FAT4: variants seen among roughly 807,000 people sequenced by gnomAD.
The protein encoded by FAT4 is FAT atypical cadherin 4.
In FAT4, 84 loss-of-function variants were observed where a neutral mutation model predicts 303.9. The ratio of observed to expected loss-of-function variants is 0.28; its 90% CI spans 0.23 to 0.33. The LOEUF is 0.33. FAT4 is among the 10% of genes least tolerant of loss of function. FAT4 has a pLI of 1.00. For synonymous variants in FAT4, 2,307 were observed against 2,298.8 expected, an observed-to-expected ratio of 1.00 and a Z score of -0.10; for missense variants, 6,005 against 6,146.8, an observed-to-expected ratio of 0.98 and a Z score of 0.77.
At chr4:125,389,357 G>GAAACA (rs1257715180) in intron 2 of FAT4, among the ~76,000 whole-genome samples, 2 of 151,954 alleles carry the variant, frequency 1.3e-5, no homozygotes, top group Non-Finnish European at 2.9e-5. Flanking sequence ...TTGTACTAAA[G>GAAACA]TGTTTCCTGT....
rs1434650272 is a variant in FAT4 at position 125,427,084 on chromosome 4, A to C, written c.7019-7161A>C. On this transcript the variant is annotated intron_variant, in intron 7 of 17. Coordinates refer to ENST00000394329, the MANE Select transcript of FAT4 (RefSeq NM_001291303.3). ...CCTCTAGTGTTTCAGAGTTTCAATA[A>C]CTGTGTTGAAATTTTTGGGTTTCTT... Among the ~76,000 whole-genome samples, 19 of 151,894 alleles carry C rather than the reference A, an allele frequency of 1.3e-4. 1 individual carries two copies. Among genetic ancestry groups the C allele is most frequent in the Admixed American group, 1.2e-3 (19 of 15,248 alleles).
intron 2 of FAT4, among the ~76,000 whole-genome samples, chr4:125,366,325 C>G (rs1732885006): frequency 6.6e-6 from 1 of 152,096 alleles, no homozygotes; most frequent in African/African-American, 2.4e-5. Context: ...TCATTTAGCT[C>G]CCACTTATTA....
At chr4:125,459,516 A>G (rs1483221404) in intron 10 of FAT4, among the ~76,000 whole-genome samples, 1 of 152,104 alleles carries the variant, frequency 6.6e-6, no homozygotes, top group African/African-American at 2.4e-5. Context: ...AAGAATTTAC[A>G]CTTCTTCAAG....
Position 125,320,054 on chromosome 4 carries a change from T to C in FAT4, c.3643T>C (p.Tyr1215His). 11 of 1,613,850 alleles carry C rather than the reference T, an allele frequency of 6.8e-6. No homozygotes were observed. Among genetic ancestry groups the C allele is most frequent in the South Asian group, 1.1e-5 (1 of 91,080 alleles). The change falls in exon 2 of 18, where the codon TAC becomes CAC. Residue 1215 changes from tyrosine (Y) to histidine (H), a missense_variant. Transcript: ENST00000394329. The stretch of plus-strand genomic sequence containing the variant: ...TGCTCCCAAATTTTTAAAAGACTTT[T>C]ACCAAGCTACAATATCAGAATCAGC... ...DNAPKFLKDF[Y>H]QATISESAAN...
At chr4:125,413,620 TAA>T (rs1734929518) in intron 5 of FAT4, among the ~76,000 whole-genome samples, 1 of 129,766 alleles carries the variant, frequency 7.7e-6, no homozygotes, top group Non-Finnish European at 1.6e-5. Context: ...GTGGCGTTTT[TAA>T]AAACATTGAG....
chr4:125,414,861 T>C (rs374890941), intron 5 of FAT4, 23 bp from the exon 6 acceptor site: 2 of 1,538,688 alleles, frequency 1.3e-6, no homozygotes, highest in Non-Finnish European at 1.8e-6. Context: ...TTTAAGAAAA[T>C]TTTTTCTTCC....
chr4:125,403,774 A>T (rs1734481016), intron 3 of FAT4, among the ~76,000 whole-genome samples: 1 of 152,170 alleles, frequency 6.6e-6, no homozygotes, highest in Non-Finnish European at 1.5e-5. Context: ...TTGAAATTTA[A>T]AAAGACTTTT....
intron 2 of FAT4, among the ~76,000 whole-genome samples, chr4:125,393,214 T>G (rs921332306): frequency 6.6e-6 from 1 of 152,148 alleles, no homozygotes; most frequent in Non-Finnish European, 1.5e-5. Flanking sequence ...ATTTTTTCAT[T>G]CCGTTCATTA....
chr4:125,465,210 C>T (rs1268231764), intron 11 of FAT4, among the ~76,000 whole-genome samples: 1 of 152,124 alleles, frequency 6.6e-6, no homozygotes, highest in Non-Finnish European at 1.5e-5. Context: ...TATTTTCAGT[C>T]CAGTATGACA....
chr4:125,330,969 C>T (rs1469315685), intron 2 of FAT4, among the ~76,000 whole-genome samples: 1 of 152,304 alleles, frequency 6.6e-6, no homozygotes, highest in Non-Finnish European at 1.5e-5. Context: ...CAGCCTCAGG[C>T]GCCCCTCCTT....
rs754509390 is a variant in FAT4 at position 125,477,269 on chromosome 4, G to T, written c.12414G>T (p.Glu4138Asp). ...ATGATTTTGTTGGGTGTATAATGGA[G>T]TTTGCAGTCAATGGAAGGCCTCTGG... ...ESHDFVGCIM[E>D]FAVNGRPLEP... The change falls in exon 14 of 18, where the codon GAG becomes GAT. Residue 4138 changes from glutamate to aspartate, a missense_variant. Coordinates refer to ENST00000394329, the MANE Select transcript of FAT4 (RefSeq NM_001291303.3). The T allele has an allele frequency of 8.2e-6, 13 of 1,584,236 alleles. No individual in the cohort carries two copies. Among genetic ancestry groups the T allele is most frequent in the Non-Finnish European group, 1.1e-5 (13 of 1,163,996 alleles).
intron 5 of FAT4, 119 bp from the exon 6 acceptor site, chr4:125,414,765 A>G (rs565859618): frequency 3.1e-6 from 2 of 646,978 alleles, no homozygotes; most frequent in Admixed American, 2.8e-5. Flanking sequence ...AGGATTTCCT[A>G]AAGTGTGTTT....
intron 17 of FAT4, 115 bp from the exon 18 acceptor site, chr4:125,489,786 T>TATTC: frequency 2.6e-6 from 2 of 769,854 alleles, no homozygotes; most frequent in South Asian, 4.1e-5. Flanking sequence ...TGTATTCATG[T>TATTC]ATTCATATGA....
At chr4:125,396,926 GTATATATATA>G (rs66744105) in intron 2 of FAT4, among the ~76,000 whole-genome samples, 25,475 of 143,122 alleles carry the variant, frequency 0.18, 2,571 homozygotes, top group East Asian at 0.35. Flanking sequence ...ATGTGTGTGT[GTATATATATA>G]TATATATATA....
intron 2 of FAT4, among the ~76,000 whole-genome samples, chr4:125,381,247 T>C (rs1733528528): frequency 6.6e-6 from 1 of 152,224 alleles, no homozygotes; most frequent in African/African-American, 2.4e-5. Flanking sequence ...TCACATATTA[T>C]TGACCATTTT....
At position 125,316,967 on chromosome 4, in the gene FAT4, C is replaced by A. The variant is rs577129552; in HGVS notation, c.556C>A (p.Arg186Ser). 2 of 1,613,950 alleles carry A rather than the reference C, an allele frequency of 1.2e-6. No individual in the cohort carries two copies. Among genetic ancestry groups the A allele is most frequent in the Non-Finnish European group, 1.7e-6 (2 of 1,180,038 alleles). The change falls in exon 2 of 18, where the codon CGT becomes AGT. Residue 186 changes from arginine (R) to serine (S), a missense_variant. Physicochemically the swap from Arg to Ser is moderately radical, Grantham distance 110. Coordinates refer to ENST00000394329, the MANE Select transcript of FAT4 (RefSeq NM_001291303.3). The surrounding 1 kb of genome is among the most constrained non-coding windows in gnomAD (Gnocchi z 5.7). ...IIRGNEAGRF[R>S]LDITLNPSGE... ...CCGCGGCAATGAGGCGGGGCGCTTC[C>A]GTCTGGACATCACCCTGAACCCGAG...
At position 125,451,860 on chromosome 4, in the gene FAT4, G is replaced by A. The variant is rs746784092; in HGVS notation, c.10850G>A (p.Arg3617Gln). 12 of 1,613,980 alleles carry A rather than the reference G, an allele frequency of 7.4e-6. No individual in the cohort carries two copies. Among genetic ancestry groups the A allele is most frequent in the African/African-American group, 6.7e-5 (5 of 74,992 alleles). Reference sequence around the variant, plus strand: ...CAAAATGACAATCCTTCACAGTCTCGGACGGTGGAGATATTTGTTAATTAT... The same window carrying A: ...CAAAATGACAATCCTTCACAGTCTCAGACGGTGGAGATATTTGTTAATTAT... ...IDQNDNPSQS[R>Q]TVEIFVNYYG... Residue 3617 changes from arginine to glutamine, a missense_variant, in exon 10 of 18, where the codon CGG becomes CAG. Coordinates refer to ENST00000394329, the MANE Select transcript of FAT4 (RefSeq NM_001291303.3).
At chr4:125,473,980 G>A (rs976172591) in intron 12 of FAT4, among the ~76,000 whole-genome samples, 5 of 151,940 alleles carry the variant, frequency 3.3e-5, no homozygotes, top group African/African-American at 4.8e-5. Context: ...TTGGAAACTG[G>A]CAAAATCATT....
intron 2 of FAT4, among the ~76,000 whole-genome samples, chr4:125,336,664 G>T (rs1404325484): frequency 1.8e-4 from 27 of 151,766 alleles, no homozygotes; most frequent in Non-Finnish European, 3.4e-4. Context: ...TCTATTTCTG[G>T]AACTAGAAAA....
Sources: gnomAD v4.1 joint callset for allele counts (sites outside exome capture counted in the v4.1 genomes callset) on GRCh38, gnomAD v4.1.1 for gene constraint, Gnocchi (gnomAD v3.1) non-coding constraint, MANE v1.5 for transcripts, NCBI Gene and HGNC (gene_info 2026-07-23, HGNC 2026-07-21) for gene names.